ABCA1: variants seen among roughly 807,000 people sequenced by gnomAD.
ABCA1 encodes the protein ATP binding cassette subfamily A member 1, also known as phospholipid-transporting ATPase ABCA1.
Under a neutral mutation model 262.5 loss-of-function variants are expected in ABCA1, and 133 were observed. The observed-to-expected ratio is 0.51, with a 90% CI of 0.44 to 0.59. ABCA1 has a LOEUF of 0.59. Among genes scored for constraint, ABCA1 ranks in the 20% least tolerant of loss-of-function variants. The probability of loss-of-function intolerance (pLI) is 0.00; values close to 1 mark genes in which losing one functional copy is unlikely to be tolerated. For synonymous variants in ABCA1, 1,022 were observed against 1,043.5 expected (o/e 0.98, Z 0.40); for missense variants, 2,452 against 2,777.5 (o/e 0.88, Z 2.63).
At chr9:104,805,864 G>A (rs764290578) in intron 31 of ABCA1, among the ~76,000 whole-genome samples, 22 of 152,358 alleles carry the variant, frequency 1.4e-4, no homozygotes, top group Admixed American at 4.6e-4. Flanking sequence ...CAGCACTTTG[G>A]GAGGCCGAGG....
intron 7 of ABCA1, among the ~76,000 whole-genome samples, chr9:104,852,672 C>T (rs1480865957): frequency 1.3e-5 from 2 of 152,116 alleles, no homozygotes; most frequent in Non-Finnish European, 2.9e-5. Context: ...AACATAGAGT[C>T]TGAAGAGTAA....
At position 104,915,086 on chromosome 9, in the gene ABCA1, G is replaced by C. The variant is rs1264650104; in HGVS notation, c.-92-11315C>G. ...TAGGCTCAAGTCAGGAACTCAGGGA[G>C]CCTATAAACACCTGGATACAATTTT... On this transcript the variant is annotated intron_variant, in intron 1 of 49. Transcript: ENST00000374736. 2.0e-5 allele frequency among the ~76,000 whole-genome samples: 3 copies of C among 152,192 alleles called. No homozygotes were observed. In the East Asian group the frequency reaches 5.8e-4, roughly 29 times the overall value.
intron 8 of ABCA1, among the ~76,000 whole-genome samples, chr9:104,842,267 T>G (rs1000807865): frequency 6.6e-6 from 1 of 152,186 alleles, no homozygotes; most frequent in Non-Finnish European, 1.5e-5. Flanking sequence ...ACTTTTTCTT[T>G]TCATAACCTG....
chr9:104,866,498 T>TA (rs1312608310), intron 5 of ABCA1, among the ~76,000 whole-genome samples: 1 of 151,248 alleles, frequency 6.6e-6, no homozygotes, highest in Non-Finnish European at 1.5e-5. Flanking sequence ...TTTTTTTTTT[T>TA]AATACAGAGT....
rs796854542 is a variant in ABCA1, at chr9:104,913,858, C to G, written c.-92-10087G>C. Among the ~76,000 whole-genome samples, 10 of 152,256 alleles carry G rather than the reference C, an allele frequency of 6.6e-5. No homozygotes were observed. The South Asian group carries it at 8.3e-4, about 13-fold the overall frequency. On this transcript the variant is annotated intron_variant, in intron 1 of 49. Coordinates refer to ENST00000374736, the MANE Select transcript of ABCA1 (RefSeq NM_005502.4). ...TCGCCCAGGCTGGAGTGCAGTGGCG[C>G]GATCTCGGCTCACTGCAAGCTCCGC...
chr9:104,807,008 G>C (rs1830825081), intron 30 of ABCA1, among the ~76,000 whole-genome samples: 1 of 152,198 alleles, frequency 6.6e-6, no homozygotes, highest in South Asian at 2.1e-4. Context: ...CTGAGCAAAA[G>C]CGATGGCAAG....
intron 47 of ABCA1, 34 bp downstream of exon 47, chr9:104,786,839 C>T: frequency 1.3e-6 from 2 of 1,557,002 alleles, no homozygotes; most frequent in Non-Finnish European, 1.8e-6. Context: ...GTTAAAACAT[C>T]CCACAGTGAG....
At chr9:104,810,461 T>G (rs1831179720) in intron 29 of ABCA1, among the ~76,000 whole-genome samples, 1 of 152,122 alleles carries the variant, frequency 6.6e-6, no homozygotes, top group Non-Finnish European at 1.5e-5. Context: ...TGTGACTCAG[T>G]TACAGAATTA....
At chr9:104,884,373 G>T (rs1489979550) in intron 4 of ABCA1, 54 bp downstream of exon 4, 16 of 1,609,634 alleles carry the variant, frequency 9.9e-6, no homozygotes, top group Admixed American at 1.7e-5. Flanking sequence ...GACAAGAAAG[G>T]AAGGAAAAGG....
chr9:104,823,887 A>T (rs778851840), intron 18 of ABCA1, among the ~76,000 whole-genome samples: 8 of 152,194 alleles, frequency 5.3e-5, no homozygotes, highest in Non-Finnish European at 8.8e-5. Flanking sequence ...CACAGAAGAG[A>T]CTGGCAGAAA....
At chr9:104,884,648 G>C (rs1838991154) in intron 3 of ABCA1, 80 bp from the exon 4 acceptor site, 4 of 1,521,342 alleles carry the variant, frequency 2.6e-6, no homozygotes, top group Non-Finnish European at 2.7e-6. Context: ...TTTATACAAT[G>C]CTTCATGCCA....
intron 35 of ABCA1, 33 bp downstream of exon 35, chr9:104,800,477 C>T (rs763545233): frequency 6.3e-7 from 1 of 1,589,578 alleles, no homozygotes. Context: ...TATTGTTCAT[C>T]AAAAAGCTAC....
Position 104,832,776 on chromosome 9 carries a change from C to G in ABCA1, c.1312-5G>C, listed in dbSNP as rs1207909346. 6.2e-7 allele frequency: 1 copy of G among 1,613,926 alleles called. No homozygotes were observed. Among genetic ancestry groups the G allele is most frequent in the African/African-American group, 1.3e-5 (1 of 74,912 alleles). On this transcript the variant is annotated splice_region_variant and splice_polypyrimidine_tract_variant and intron_variant, in intron 11 of 49. Transcript: ENST00000374736. The stretch of plus-strand genomic sequence containing the variant: ...GTCCCTGCTGTCCAACAGCATCTGC[C>G]ATTCCAGTGAGAAAGTACAAGTAGT...
At chr9:104,801,942 A>C (rs528362023) in intron 34 of ABCA1, 112 bp downstream of exon 34, 1 of 985,236 alleles carries the variant, frequency 1.0e-6, no homozygotes, top group Admixed American at 1.9e-5. Flanking sequence ...TCTGTATGCC[A>C]ACATATTCAG....
rs748456783 is a variant in ABCA1, at chr9:104,821,367, G to C, written c.2960+8C>G. The C allele has an allele frequency of 6.2e-7, 1 of 1,613,868 alleles. No individual in the cohort carries two copies. Among genetic ancestry groups the C allele is most frequent in the African/African-American group, 1.3e-5 (1 of 74,910 alleles). On this transcript the variant is annotated splice_region_variant and intron_variant, in intron 20 of 49. Transcript: ENST00000374736. ...AAGGCCTATTCTTAACGTGCTGCTG[G>C]TACTCACATGTCAAACAGCACGTTA...
Position 104,884,343 on chromosome 9 carries a change from C to A in ABCA1, c.302+84G>T. 1.9e-6 allele frequency: 3 copies of A among 1,550,332 alleles called. No homozygotes were observed. In the East Asian group the frequency reaches 6.8e-5, roughly 35 times the overall value. On this transcript the variant is annotated intron_variant, in intron 4 of 49. Coordinates refer to ENST00000374736, the MANE Select transcript of ABCA1 (RefSeq NM_005502.4). ...CAAAAACAACTTCACTTAAATCCAG[C>A]CATTCAAAATTCTCCAGAGGACAAG...
At chr9:104,807,009 C>T (rs1349946742) in intron 30 of ABCA1, among the ~76,000 whole-genome samples, 3 of 152,092 alleles carry the variant, frequency 2.0e-5, no homozygotes, top group Non-Finnish European at 4.4e-5. Flanking sequence ...TGAGCAAAAG[C>T]GATGGCAAGT....
intron 5 of ABCA1, among the ~76,000 whole-genome samples, chr9:104,871,103 G>A (rs1349863981): frequency 6.6e-6 from 1 of 152,182 alleles, no homozygotes; most frequent in South Asian, 2.1e-4. Context: ...TGACAATGAG[G>A]ACCCCTATAA....
chr9:104,818,536 G>C lies in ABCA1; in HGVS notation c.3462+127C>G, dbSNP rs950090277. The C allele has an allele frequency of 3.4e-6, 3 of 891,358 alleles. No individual in the cohort carries two copies. In the East Asian group the frequency reaches 7.4e-5, roughly 22 times the overall value. 55.2% of individuals were successfully genotyped at this position (891,358 alleles called of 1,614,324 possible). On this transcript the variant is annotated intron_variant, in intron 23 of 49. Coordinates refer to ENST00000374736, the MANE Select transcript of ABCA1 (RefSeq NM_005502.4). ...CCTTAAGTATGATATGATTTCAAAG[G>C]GGCAACAGAGCAGGGAGATGGTGGT...
Sources: allele counts gnomAD v4.1 joint callset (sites outside exome capture counted in the v4.1 genomes callset), GRCh38; gene constraint gnomAD v4.1.1; transcripts MANE v1.5; gene names NCBI Gene and HGNC (gene_info 2026-07-23, HGNC 2026-07-21).